XYLB: variants seen among roughly 807,000 people sequenced by gnomAD.
XYLB encodes the protein xylulokinase.
In XYLB, 62 loss-of-function variants were observed where a neutral mutation model predicts 78.7. The ratio of observed to expected loss-of-function variants is 0.79; its 90% confidence interval spans 0.64 to 0.97. XYLB has a LOEUF of 0.97. Among genes scored for constraint, XYLB ranks in the 50% least tolerant of loss-of-function variants. The pLI, the probability that XYLB is intolerant of heterozygous loss-of-function variation, is 0.00. For missense variants in XYLB, 687 were observed against 676.8 expected (o/e 1.02, Z -0.17); for synonymous variants, 245 against 247.4 (o/e 0.99, Z 0.09).
Position 38,410,522 on chromosome 3 carries a change from A to G in XYLB, c.1534-2414A>G, listed in dbSNP as rs188753327. Among the ~76,000 whole-genome samples, 696 of 152,360 alleles carry G rather than the reference A, an allele frequency of 4.6e-3. 5 individuals are homozygous for G. The highest frequency in any genetic ancestry group is 0.016 in the African/African-American group (646 of 41,588). On this transcript the variant is annotated intron_variant, in intron 18 of 18. Transcript: ENST00000207870. ...CCAAAAGCAATGGCAACAGAAGCCA[A>G]AATTGACAAATGGGATCTAATTAAA...
intron 18 of XYLB, among the ~76,000 whole-genome samples, chr3:38,406,137 C>A (rs946121854): frequency 2.0e-5 from 3 of 152,232 alleles, no homozygotes; most frequent in South Asian, 2.1e-4. Flanking sequence ...AGGCACCCCC[C>A]AGTAGGGGCA....
intron 4 of XYLB, among the ~76,000 whole-genome samples, 153 bp downstream of exon 4, chr3:38,363,170 T>C (rs1706068234): frequency 6.6e-6 from 1 of 152,192 alleles, no homozygotes; most frequent in Non-Finnish European, 1.5e-5. Flanking sequence ...CCTACAACTA[T>C]TTTACTTTGG....
intron 15 of XYLB, among the ~76,000 whole-genome samples, chr3:38,387,087 A>C (rs1707413397): frequency 1.3e-5 from 2 of 152,220 alleles, no homozygotes; most frequent in African/African-American, 4.8e-5. Flanking sequence ...CAGCAGTTTG[A>C]TTATGATATA....
At chr3:38,400,184 A>C (rs545408111) in intron 17 of XYLB, among the ~76,000 whole-genome samples, 1 of 152,138 alleles carries the variant, frequency 6.6e-6, no homozygotes, top group South Asian at 2.1e-4. Flanking sequence ...GTGAGTAATT[A>C]TTGAGTGCCC....
chr3:38,362,864 T>A, intron 3 of XYLB, 73 bp from the exon 4 acceptor site: 1 of 1,328,656 alleles, frequency 7.5e-7, no homozygotes, highest in East Asian at 2.7e-5. Flanking sequence ...GGCACTTGCG[T>A]TTCAATTCTG....
chr3:38,398,827 A>G (rs1707999734), intron 17 of XYLB, among the ~76,000 whole-genome samples: 1 of 150,616 alleles, frequency 6.6e-6, no homozygotes. Flanking sequence ...GATCGAGATC[A>G]TCCTGGCCTA....
chr3:38,360,378 G>C lies in XYLB; in HGVS notation c.180G>C (p.Thr60=). Residue 60 remains threonine, a synonymous_variant, in exon 3 of 19, where the codon ACG becomes ACC. Coordinates refer to ENST00000207870, the MANE Select transcript of XYLB (RefSeq NM_005108.4). Reference sequence around the variant, plus strand: ...TTCATGTGCACAAGGATGGGCTGACGGTCACTTCTCCAGTACTAATGTGGG... The same window carrying C: ...TTCATGTGCACAAGGATGGGCTGACCGTCACTTCTCCAGTACTAATGTGGG... ...GGVHVHKDGL[T]VTSPVLMWVQ... The C allele has an allele frequency of 6.2e-7, 1 of 1,612,818 alleles. No homozygotes were observed. The highest frequency in any genetic ancestry group is 8.5e-7 in the Non-Finnish European group (1 of 1,179,400).
chr3:38,426,115 A>G (rs1709094671), downstream of XYLB, among the ~76,000 whole-genome samples: 1 of 152,222 alleles, frequency 6.6e-6, no homozygotes, highest in Non-Finnish European at 1.5e-5. Context: ...TGTCACAGCT[A>G]CTGCCGCGGC....
Position 38,376,251 on chromosome 3 carries a change from C to G in XYLB, c.1120+19C>G, listed in dbSNP as rs1180059057. The G allele has an allele frequency of 1.6e-5, 25 of 1,563,634 alleles. No homozygotes were observed. Among genetic ancestry groups the G allele is most frequent in the Non-Finnish European group, 2.2e-5 (25 of 1,134,186 alleles). Reference sequence around the variant, plus strand: ...AACCTGGGTAGGCCAGTTGGTGGTGCCCAGGCCTGTGAAGGGTCAGCAGCT... The same window carrying G: ...AACCTGGGTAGGCCAGTTGGTGGTGGCCAGGCCTGTGAAGGGTCAGCAGCT... On this transcript the variant is annotated intron_variant, in intron 13 of 18. Transcript: ENST00000207870.
At chr3:38,410,567 C>T (rs1708533252) in intron 18 of XYLB, among the ~76,000 whole-genome samples, 1 of 152,178 alleles carries the variant, frequency 6.6e-6, no homozygotes, top group South Asian at 2.1e-4. Flanking sequence ...TTCTGCACAG[C>T]AAACGAAACT....
intron 3 of XYLB, among the ~76,000 whole-genome samples, chr3:38,361,677 G>A (rs1052853986): frequency 5.3e-5 from 8 of 152,140 alleles, no homozygotes; most frequent in Non-Finnish European, 1.5e-5. Context: ...TGAGAACCAG[G>A]CTTGGGGGCA....
At chr3:38,355,680 C>A in intron 2 of XYLB, 1 of 702,354 alleles carries the variant, frequency 1.4e-6, no homozygotes, top group South Asian at 1.5e-5. Flanking sequence ...TCTAAAAGAC[C>A]TAGTCCATCA....
chr3:38,443,649 A>T, the XYLB span, among the ~76,000 whole-genome samples: 2 of 151,956 alleles, frequency 1.3e-5, no homozygotes, highest in Non-Finnish European at 2.9e-5. Flanking sequence ...ATGCCTCCAG[A>T]TTTTGTTCAG....
the XYLB span, among the ~76,000 whole-genome samples, chr3:38,442,720 A>ATTTTTTTT: frequency 2.0e-5 from 2 of 99,176 alleles, no homozygotes; most frequent in African/African-American, 4.0e-5. Context: ...GGACTGCTGC[A>ATTTTTTTT]TTTTTTTTTT....
Position 38,348,632 on chromosome 3 carries a change from G to T in XYLB, c.140G>T (p.Gly47Val). 6.2e-7 allele frequency: 1 copy of T among 1,614,140 alleles called. No homozygotes were observed. Among genetic ancestry groups the T allele is most frequent in the Non-Finnish European group, 8.5e-7 (1 of 1,180,014 alleles). Residue 47 changes from glycine to valine, a missense_variant and splice_region_variant, in exon 2 of 19, where the codon GGG (glycine) becomes GTG (valine). Gly to Val is a moderately radical substitution (Grantham distance 109). Coordinates refer to ENST00000207870, the MANE Select transcript of XYLB (RefSeq NM_005108.4). The stretch of plus-strand genomic sequence containing the variant: ...TTTGACAGAGATCTTCCAGAATTTG[G>T]GTATGTACTTGATGTGCATGTGTGT... ...VHFDRDLPEF[G>V]TQGGVHVHKD...
chr3:38,351,055 C>G (rs918630576), intron 2 of XYLB, among the ~76,000 whole-genome samples: 6 of 151,074 alleles, frequency 4.0e-5, no homozygotes, highest in African/African-American at 1.5e-4. Context: ...GCCTGTAATC[C>G]TAGCTAGCTG....
intron 8 of XYLB, among the ~76,000 whole-genome samples, chr3:38,368,517 G>T (rs758527543): frequency 6.6e-6 from 1 of 152,330 alleles, no homozygotes; most frequent in African/African-American, 2.4e-5. Flanking sequence ...GGAGGTACTG[G>T]TTCGGGATCT....
chr3:38,348,538 A>C lies in XYLB; in HGVS notation c.58-12A>C. 6.2e-7 allele frequency: 1 copy of C among 1,614,004 alleles called. No individual in the cohort carries two copies. Among genetic ancestry groups the C allele is most frequent in the Admixed American group, 1.7e-5 (1 of 60,016 alleles). ...GAAAATTCTACACTTCCTTTTTTAA[A>C]ATGCCTTTCAGGTAAAGGTTGTTGC... On this transcript the variant is annotated splice_polypyrimidine_tract_variant and intron_variant, in intron 1 of 18. Coordinates refer to ENST00000207870, the MANE Select transcript of XYLB (RefSeq NM_005108.4).
intron 18 of XYLB, among the ~76,000 whole-genome samples, chr3:38,406,049 C>A (rs963724460): frequency 6.6e-6 from 1 of 152,222 alleles, no homozygotes; most frequent in East Asian, 1.9e-4. Flanking sequence ...TCCCAGCACA[C>A]CTCTGGAGAT....
Sources: allele counts gnomAD v4.1 joint callset (sites outside exome capture counted in the v4.1 genomes callset), GRCh38; gene constraint gnomAD v4.1.1; transcripts MANE v1.5; gene names NCBI Gene and HGNC (gene_info 2026-07-23, HGNC 2026-07-21).